The following KDM5B variants were observed in gnomAD, a reference collection of about 807,000 sequenced individuals.
KDM5B encodes the protein lysine demethylase 5B.
In KDM5B, 144 loss-of-function variants were observed where a neutral mutation model predicts 193.4. The ratio of observed to expected loss-of-function variants is 0.74; its 90% CI spans 0.65 to 0.86. KDM5B has a LOEUF of 0.86. Ranked by LOEUF, KDM5B falls within the 40% of genes least tolerant of loss-of-function variation. The probability of loss-of-function intolerance (pLI) is 0.00; values close to 1 mark genes in which losing one functional copy is unlikely to be tolerated. For synonymous variants in KDM5B, 668 were observed against 682.6 expected (o/e 0.98, Z 0.33); for missense variants, 1,833 against 1,886.9 (o/e 0.97, Z 0.53).
chr1:202,750,877 G>A, intron 12 of KDM5B, 99 bp from the exon 13 acceptor site: 1 of 1,281,672 alleles, frequency 7.8e-7, no homozygotes, highest in South Asian at 1.6e-5. Context: ...TTCAAAAAAA[G>A]GCAGCTTTCT....
chr1:202,765,756 AT>A (rs774396481), intron 5 of KDM5B, among the ~76,000 whole-genome samples: 1 of 152,022 alleles, frequency 6.6e-6, no homozygotes, highest in Non-Finnish European at 1.5e-5. Context: ...AAAATGGCTG[AT>A]TTTTTTCATT....
intron 8 of KDM5B, 82 bp downstream of exon 8, chr1:202,760,333 T>C (rs1056350558): frequency 2.7e-5 from 26 of 960,688 alleles, no homozygotes; most frequent in Non-Finnish European, 3.6e-5. Context: ...TAAAATAAAA[T>C]AAAATAAAAA....
At chr1:202,794,873 GCA>G (rs1185939020) in intron 1 of KDM5B, among the ~76,000 whole-genome samples, 1 of 152,064 alleles carries the variant, frequency 6.6e-6, no homozygotes, top group Non-Finnish European at 1.5e-5. Flanking sequence ...TATAAATTAG[GCA>G]CAGTTAGAGA....
rs187640808 is a variant in KDM5B, at chr1:202,752,778, G to A, written c.1701+127C>T. The A allele has an allele frequency of 3.9e-4, 341 of 879,336 alleles. 3 individuals are homozygous for A. The Middle Eastern group carries it at 9.9e-3, about 25-fold the overall frequency. The allele number at this position is 879,336 out of a possible 1,614,324, so 54.5% of individuals were successfully genotyped here. A position where few individuals can be genotyped will look rare whatever the true frequency, so the allele number is the denominator to read the frequency against. ...TGTACAGTACTGCAGCAAAACAGCT[G>A]TTTCTGCTATCAAGTCATGCTATGG... On this transcript the variant is annotated intron_variant, in intron 12 of 26. Coordinates refer to ENST00000367265, the MANE Select transcript of KDM5B (RefSeq NM_006618.5).
At chr1:202,769,490 T>G (rs1244941801) in intron 4 of KDM5B, among the ~76,000 whole-genome samples, 2 of 150,992 alleles carry the variant, frequency 1.3e-5, no homozygotes, top group Non-Finnish European at 3.0e-5. Context: ...GCCAACATAC[T>G]GAAACCCCGT....
In KDM5B at chr1:202,777,076, C is replaced by T; in HGVS notation, c.223G>A (p.Ala75Thr). 6.2e-7 allele frequency: 1 copy of T among 1,613,180 alleles called. No homozygotes were observed. Among genetic ancestry groups the T allele is most frequent in the Non-Finnish European group, 8.5e-7 (1 of 1,179,232 alleles). The change falls in exon 2 of 27, where the codon GCA becomes ACA. Residue 75 changes from alanine to threonine, a missense_variant. Ala to Thr is a moderately conservative substitution (Grantham distance 58, BLOSUM62 0). Coordinates refer to ENST00000367265, the MANE Select transcript of KDM5B (RefSeq NM_006618.5). ...AAATGAAGTTTATCAACATCACATG[C>T]AAATGGTGGCTGCCAATCCTAGGAG... ...RPPPDWQPPF[A>T]CDVDKLHFTP...
chr1:202,729,209 G>C (rs368374134), intron 26 of KDM5B, 36 bp from the exon 27 acceptor site: 15 of 1,611,682 alleles, frequency 9.3e-6, no homozygotes, highest in Non-Finnish European at 1.2e-5. Context: ...GGTTTTCAGA[G>C]GAAAAAATGG....
intron 20 of KDM5B, among the ~76,000 whole-genome samples, chr1:202,739,015 A>T (rs1655199911): frequency 6.6e-6 from 1 of 152,154 alleles, no homozygotes; most frequent in Non-Finnish European, 1.5e-5. Context: ...TTGGGAGGGT[A>T]CTTTTAAGTC....
chr1:202,730,006 G>C lies in KDM5B; in HGVS notation c.4198C>G (p.Arg1400Gly). 6.2e-7 allele frequency: 1 copy of C among 1,610,850 alleles called. No individual in the cohort carries two copies. The highest frequency in any genetic ancestry group is 8.5e-7 in the Non-Finnish European group (1 of 1,178,422). ...SEKNDCCRGK[R>G]DGINSLERKL... Reference sequence around the variant, plus strand: ...CTCTCAAGACTGTTAATTCCATCTCGCTTCCCTCGGCAACAGTCATTCTGG... The same window carrying C: ...CTCTCAAGACTGTTAATTCCATCTCCCTTCCCTCGGCAACAGTCATTCTGG... The change falls in exon 26 of 27, where the codon CGA (arginine) becomes GGA (glycine). Residue 1400 changes from arginine (R) to glycine (G), a missense_variant. This residue lies in a region of KDM5B where 1,379 missense variants were observed against 1,349.6 expected (regional missense o/e 1.02). Coordinates refer to ENST00000367265, the MANE Select transcript of KDM5B (RefSeq NM_006618.5).
rs1656608401 is a variant in KDM5B, at chr1:202,769,262, T to C, written c.577-2202A>G. On this transcript the variant is annotated intron_variant, in intron 4 of 26. Coordinates refer to ENST00000367265, the MANE Select transcript of KDM5B (RefSeq NM_006618.5). ...CGTGTTATCCAGGATGGTCTCAATC[T>C]CCTGACCTCGTGATCCACCTGCCTC... Among the ~76,000 whole-genome samples, 2 of 145,760 alleles carry C rather than the reference T, an allele frequency of 1.4e-5. 1 individual carries two copies. The highest frequency in any genetic ancestry group is 4.4e-4 in the South Asian group (2 of 4,562).
intron 1 of KDM5B, among the ~76,000 whole-genome samples, chr1:202,784,515 T>A (rs1657327632): frequency 6.6e-6 from 1 of 152,180 alleles, no homozygotes; most frequent in African/African-American, 2.4e-5. Context: ...AACAGATATA[T>A]GAAACATAAA....
At chr1:202,805,312 C>T (rs892422205) in intron 1 of KDM5B, among the ~76,000 whole-genome samples, 25 of 152,194 alleles carry the variant, frequency 1.6e-4, no homozygotes, top group African/African-American at 5.5e-4. Flanking sequence ...CGTTTTCTCA[C>T]ATTTATCTTA....
intron 18 of KDM5B, 54 bp downstream of exon 18, chr1:202,742,337 T>C: frequency 8.3e-7 from 1 of 1,204,672 alleles, no homozygotes; most frequent in South Asian, 1.2e-5. Flanking sequence ...ATAGAGTTTA[T>C]ATACAAAATA....
chr1:202,750,968 T>G (rs1655767087), intron 12 of KDM5B, among the ~76,000 whole-genome samples, 190 bp from the exon 13 acceptor site: 3 of 152,158 alleles, frequency 2.0e-5, no homozygotes, highest in Admixed American at 1.3e-4. Flanking sequence ...TGGAGCAGTA[T>G]CCCAGACTAC....
At chr1:202,757,542 T>G (rs1656071065) in intron 9 of KDM5B, among the ~76,000 whole-genome samples, 2 of 152,212 alleles carry the variant, frequency 1.3e-5, no homozygotes, top group Non-Finnish European at 2.9e-5. Flanking sequence ...TCATCAGGAT[T>G]GGTTAAGCAA....
rs148529302 is a variant in KDM5B at position 202,763,381 on chromosome 1, A to G, written c.809-573T>C. Among the ~76,000 whole-genome samples the G allele has an allele frequency of 3.3e-3, 499 of 152,312 alleles. 2 individuals are homozygous for G. Among genetic ancestry groups the G allele is most frequent in the African/African-American group, 0.011 (472 of 41,574 alleles). On this transcript the variant is annotated intron_variant, in intron 6 of 26. Coordinates refer to ENST00000367265, the MANE Select transcript of KDM5B (RefSeq NM_006618.5). The stretch of plus-strand genomic sequence containing the variant: ...TTTCAAAGGTAAGAAAACTGATGTT[A>G]AAGTAAATCAAGAAACATCTCTAAG...
chr1:202,804,703 A>C (rs1266850022), intron 1 of KDM5B, among the ~76,000 whole-genome samples: 1 of 152,104 alleles, frequency 6.6e-6, no homozygotes, highest in Non-Finnish European at 1.5e-5. Flanking sequence ...TTCTCCGGAC[A>C]CAAAGAAGAA....
At chr1:202,746,115 G>A (rs183549451) in intron 15 of KDM5B, 27 bp downstream of exon 15, 1 of 1,512,264 alleles carries the variant, frequency 6.6e-7, no homozygotes, top group Non-Finnish European at 8.9e-7. Context: ...GTTTTCCATA[G>A]GAAAAAAAAT....
chr1:202,761,047 A>G (rs1196849359), intron 7 of KDM5B, among the ~76,000 whole-genome samples: 1 of 152,066 alleles, frequency 6.6e-6, no homozygotes, highest in African/African-American at 2.4e-5. Context: ...AAAAGATACC[A>G]GGTAATACAT....
Sources: allele counts gnomAD v4.1 joint callset (sites outside exome capture counted in the v4.1 genomes callset), GRCh38; gene constraint gnomAD v4.1.1; regional missense constraint gnomAD v4.1.1; transcripts MANE v1.5; gene names NCBI Gene and HGNC (gene_info 2026-07-23, HGNC 2026-07-21).